Variants in PRKG1 observed in about 807,000 individuals in gnomAD.
PRKG1 encodes protein kinase cGMP-dependent 1.
A neutral mutation model predicts 88.1 loss-of-function variants in PRKG1; 35 were observed. The ratio of observed to expected loss-of-function variants is 0.40; its 90% CI spans 0.30 to 0.53. PRKG1 has a LOEUF of 0.53. Ranked by LOEUF, PRKG1 falls within the 20% of genes least tolerant of loss-of-function variation. The pLI is 0.59. For missense variants in PRKG1, 540 were observed against 839.8 expected, an observed-to-expected ratio of 0.64 and a Z score of 4.41; for synonymous variants, 303 against 292.5, an observed-to-expected ratio of 1.04 and a Z score of -0.37.
chr10:51,688,734 T>C (rs1057299457), intron 3 of PRKG1, among the ~76,000 whole-genome samples: 1 of 152,176 alleles, frequency 6.6e-6, no homozygotes, highest in African/African-American at 2.4e-5. Flanking sequence ...GTAGAAACAG[T>C]CAACATAGTT....
At chr10:51,172,444 T>A (rs934846410) in intron 2 of PRKG1, among the ~76,000 whole-genome samples, 2 of 151,802 alleles carry the variant, frequency 1.3e-5, no homozygotes, top group African/African-American at 4.8e-5. Flanking sequence ...CAACTGAGAG[T>A]TGACACACAG....
chr10:51,169,394 C>T (rs951499490), intron 2 of PRKG1, among the ~76,000 whole-genome samples: 3 of 152,106 alleles, frequency 2.0e-5, no homozygotes, highest in Non-Finnish European at 2.9e-5. Flanking sequence ...TTGCAAAGAG[C>T]TTTTTCATTT....
chr10:51,048,885 T>C (rs145425182), intron 1 of PRKG1, among the ~76,000 whole-genome samples: 41 of 152,236 alleles, frequency 2.7e-4, no homozygotes, highest in African/African-American at 9.2e-4. Flanking sequence ...TCTGTAATGC[T>C]GTTACCATGC....
intron 3 of PRKG1, among the ~76,000 whole-genome samples, chr10:51,656,255 C>T (rs1840157974): frequency 6.6e-6 from 1 of 152,116 alleles, no homozygotes. Context: ...TTGTATGATG[C>T]ATTTTTAACC....
intron 3 of PRKG1, among the ~76,000 whole-genome samples, chr10:51,560,979 G>A (rs1304866101): frequency 1.3e-5 from 2 of 152,004 alleles, no homozygotes. Flanking sequence ...GGGCAAGGTG[G>A]CTCATGCCTG....
intron 3 of PRKG1, among the ~76,000 whole-genome samples, chr10:51,471,771 C>T (rs938802978): frequency 2.0e-5 from 3 of 151,844 alleles, no homozygotes; most frequent in Non-Finnish European, 2.9e-5. Context: ...TGGTCATGTA[C>T]TATTCAAATG....
intron 2 of PRKG1, among the ~76,000 whole-genome samples, chr10:51,355,480 A>G (rs1338730168): frequency 6.6e-6 from 1 of 152,026 alleles, no homozygotes; most frequent in African/African-American, 2.4e-5. Context: ...GCTTCTTTTC[A>G]TGAATACCAA....
chr10:52,193,484 G>GT (rs919395607), intron 9 of PRKG1, among the ~76,000 whole-genome samples: 3 of 144,450 alleles, frequency 2.1e-5, no homozygotes, highest in African/African-American at 7.9e-5. Flanking sequence ...GGAGGTGGAG[G>GT]TTGCAGTGAG....
At chr10:52,269,459 C>T (rs747816887) in intron 10 of PRKG1, among the ~76,000 whole-genome samples, 1 of 152,042 alleles carries the variant, frequency 6.6e-6, no homozygotes, top group Non-Finnish European at 1.5e-5. Context: ...GGCAGCTAAC[C>T]GAGGCCCATT....
chr10:51,075,386 G>T (rs1242345849), intron 1 of PRKG1, among the ~76,000 whole-genome samples: 2 of 152,146 alleles, frequency 1.3e-5, no homozygotes, highest in Non-Finnish European at 2.9e-5. Context: ...GGCGCTTCAC[G>T]CTGGTACCCT....
chr10:51,349,250 G>A (rs1842183152), intron 2 of PRKG1, among the ~76,000 whole-genome samples: 1 of 152,094 alleles, frequency 6.6e-6, no homozygotes, highest in Admixed American at 6.6e-5. Context: ...ACGGATTTCT[G>A]TTTCTTCCAT....
intron 3 of PRKG1, among the ~76,000 whole-genome samples, chr10:51,644,923 G>T (rs912361974): frequency 1.3e-5 from 2 of 152,132 alleles, no homozygotes; most frequent in Admixed American, 6.5e-5. Context: ...GAGTAGGTGG[G>T]ATTACAGGCA....
At chr10:51,289,925 T>A (rs1398898185) in intron 2 of PRKG1, among the ~76,000 whole-genome samples, 1 of 152,182 alleles carries the variant, frequency 6.6e-6, no homozygotes, top group Non-Finnish European at 1.5e-5. Flanking sequence ...TCATTCACCT[T>A]TGAATTTATA....
chr10:51,379,069 A>G (rs764234670), intron 2 of PRKG1, among the ~76,000 whole-genome samples: 3 of 152,140 alleles, frequency 2.0e-5, no homozygotes, highest in Non-Finnish European at 4.4e-5. Flanking sequence ...CCTCTTACTC[A>G]TTCTGTGACA....
intron 2 of PRKG1, among the ~76,000 whole-genome samples, chr10:51,291,407 A>C (rs2132222675): frequency 6.6e-6 from 1 of 152,028 alleles, no homozygotes; most frequent in African/African-American, 2.4e-5. Context: ...CATTTATCTC[A>C]TTATGGTAAC....
intron 1 of PRKG1, among the ~76,000 whole-genome samples, chr10:51,123,508 A>T (rs1342299407): frequency 1.3e-5 from 2 of 152,174 alleles, no homozygotes; most frequent in Non-Finnish European, 2.9e-5. Context: ...CAACATGGTG[A>T]AACACCATCT....
chr10:51,483,322 C>T (rs1473102953), intron 3 of PRKG1, among the ~76,000 whole-genome samples: 1 of 152,048 alleles, frequency 6.6e-6, no homozygotes, highest in African/African-American at 2.4e-5. Context: ...CACCCAGCCC[C>T]CTGAGCCATT....
At chr10:51,347,675 A>G (rs1842144013) in intron 2 of PRKG1, among the ~76,000 whole-genome samples, 1 of 152,156 alleles carries the variant, frequency 6.6e-6, no homozygotes, top group South Asian at 2.1e-4. Context: ...AGAAGGCTTT[A>G]CAATCATCGT....
At chr10:51,459,227 A>C (rs1839676358) in intron 2 of PRKG1, among the ~76,000 whole-genome samples, 1 of 152,078 alleles carries the variant, frequency 6.6e-6, no homozygotes, top group South Asian at 2.1e-4. Context: ...TCACACAAGA[A>C]ATTAGTATGA....
Sources: allele counts gnomAD v4.1 joint callset (sites outside exome capture counted in the v4.1 genomes callset), GRCh38; gene constraint gnomAD v4.1.1; transcripts MANE v1.5; gene names NCBI Gene and HGNC (gene_info 2026-07-23, HGNC 2026-07-21).